The following MAGI1 variants were observed in gnomAD, a reference collection of about 807,000 sequenced individuals.
MAGI1 encodes membrane associated guanylate kinase, WW and PDZ domain containing 1, also known as membrane-associated guanylate kinase, WW and PDZ domain-containing protein 1.
MAGI1 carries 58 observed loss-of-function variants against 139.9 expected under a neutral mutation model. The observed-to-expected ratio is 0.41, with a 90% CI of 0.34 to 0.52. The LOEUF (loss-of-function observed/expected upper bound fraction) is 0.52. Ranked by LOEUF, MAGI1 falls within the 20% of genes least tolerant of loss-of-function variation. The probability of loss-of-function intolerance (pLI) is 0.12; values close to 1 mark genes in which losing one functional copy is unlikely to be tolerated. For synonymous variants in MAGI1, 812 were observed against 737.9 expected (o/e 1.10, Z -1.63); for missense variants, 1,874 against 1,901.6 (o/e 0.99, Z 0.27).
At chr3:65,818,781 T>C (rs958005743) in intron 1 of MAGI1, among the ~76,000 whole-genome samples, 3 of 152,160 alleles carry the variant, frequency 2.0e-5, no homozygotes, top group African/African-American at 4.8e-5. Context: ...TTGAGTTTTA[T>C]AGGACAATTG....
At position 65,401,440 on chromosome 3, in the gene MAGI1, G is replaced by A. The variant is rs1944886799; in HGVS notation, c.2198C>T (p.Ser733Leu). Residue 733 changes from serine (S) to leucine (L), a missense_variant and splice_region_variant, in exon 13 of 23, where the codon TCG (serine) becomes TTG (leucine). Around this residue, in one of 5 missense-constraint regions of MAGI1, gnomAD observed 482 missense variants for 509.6 expected, o/e 0.95. Coordinates refer to ENST00000402939, the MANE Select transcript of MAGI1 (RefSeq NM_001033057.2). Reference protein sequence around the residue: ...GLPVPKKSPKSQPLERKDSQN... With the variant: ...GLPVPKKSPKLQPLERKDSQN... ...ACCAAGTAACTGACAAGTCCTTACCGACTTTGGGCTCTTCTTGGGAACTGG... is the reference window on the plus strand; with the variant it reads ...ACCAAGTAACTGACAAGTCCTTACCAACTTTGGGCTCTTCTTGGGAACTGG... 3 of 1,373,232 alleles carry A rather than the reference G, an allele frequency of 2.2e-6. No homozygotes were observed. Among genetic ancestry groups the A allele is most frequent in the South Asian group, 1.1e-5 (1 of 87,046 alleles). The allele number at this position is 1,373,232 out of a possible 1,614,324, so 85.1% of individuals were successfully genotyped here.
At chr3:65,996,302 A>G (rs192422868) in intron 1 of MAGI1, among the ~76,000 whole-genome samples, 3 of 152,304 alleles carry the variant, frequency 2.0e-5, no homozygotes, top group East Asian at 3.9e-4. Context: ...TAAGCTCTCA[A>G]TAATTGCCAG....
At chr3:65,562,800 C>T (rs2080423931) in intron 2 of MAGI1, among the ~76,000 whole-genome samples, 4 of 152,206 alleles carry the variant, frequency 2.6e-5, no homozygotes. Flanking sequence ...TTAATTCTTG[C>T]ACAAAGCAAG....
chr3:65,699,387 A>C (rs1168958402), intron 1 of MAGI1, among the ~76,000 whole-genome samples: 2 of 148,734 alleles, frequency 1.3e-5, no homozygotes, highest in South Asian at 4.3e-4. Context: ...TTATATACCC[A>C]AAGGACTATA....
At chr3:65,358,453 G>A (rs879675492) in intron 22 of MAGI1, among the ~76,000 whole-genome samples, 1 of 152,156 alleles carries the variant, frequency 6.6e-6, no homozygotes, top group East Asian at 1.9e-4. Context: ...CCTAGAGTGG[G>A]TTTTTAACAA....
chr3:65,848,267 A>T (rs1440301370), intron 1 of MAGI1, among the ~76,000 whole-genome samples: 1 of 152,244 alleles, frequency 6.6e-6, no homozygotes, highest in African/African-American at 2.4e-5. Context: ...AATGAGAAAC[A>T]TATGGAAGAA....
intron 14 of MAGI1, among the ~76,000 whole-genome samples, chr3:65,388,956 GCCTCAGCCTC>G (rs1199941827): frequency 8.3e-5 from 12 of 144,602 alleles, no homozygotes; most frequent in Admixed American, 1.5e-4. Flanking sequence ...GATGCCTCCT[GCCTCAGCCTC>G]CCGAGTAGCT....
chr3:65,648,413 G>C (rs1042731143), intron 1 of MAGI1, among the ~76,000 whole-genome samples: 1 of 152,082 alleles, frequency 6.6e-6, no homozygotes. Context: ...GCCTCCCAAA[G>C]TGGTGTGAGC....
At chr3:65,490,620 C>A (rs550116796) in intron 3 of MAGI1, among the ~76,000 whole-genome samples, 2 of 151,814 alleles carry the variant, frequency 1.3e-5, no homozygotes, top group East Asian at 3.9e-4. Flanking sequence ...TCGATGCAGG[C>A]GGATCACGAA....
intron 1 of MAGI1, among the ~76,000 whole-genome samples, chr3:65,827,458 T>C (rs1290383193): frequency 3.3e-5 from 5 of 152,214 alleles, no homozygotes; most frequent in Non-Finnish European, 1.5e-5. Context: ...GGCAATATTA[T>C]CACTTGGAAC....
chr3:65,605,668 G>C (rs551763003), intron 2 of MAGI1, among the ~76,000 whole-genome samples: 4 of 152,238 alleles, frequency 2.6e-5, no homozygotes, highest in Admixed American at 1.3e-4. Flanking sequence ...GTTAATGAAG[G>C]AGAGAGAAAA....
intron 1 of MAGI1, among the ~76,000 whole-genome samples, chr3:66,020,735 A>G (rs956704039): frequency 6.6e-6 from 1 of 152,194 alleles, no homozygotes; most frequent in African/African-American, 2.4e-5. Context: ...ACAACAGTTT[A>G]ACTATACAAC....
At chr3:65,942,642 T>G (rs1393249529) in intron 1 of MAGI1, among the ~76,000 whole-genome samples, 1 of 152,236 alleles carries the variant, frequency 6.6e-6, no homozygotes, top group Non-Finnish European at 1.5e-5. Flanking sequence ...GTGCCTCACT[T>G]TCCTCATCCA....
intron 13 of MAGI1, among the ~76,000 whole-genome samples, chr3:65,395,700 T>C (rs903248364): frequency 1.4e-5 from 2 of 139,414 alleles, no homozygotes; most frequent in South Asian, 4.7e-4. Context: ...AAAAAGCTAA[T>C]GTGACACAGC....
intron 20 of MAGI1, 95 bp downstream of exon 20, chr3:65,364,570 A>G: frequency 9.5e-7 from 1 of 1,055,630 alleles, no homozygotes; most frequent in Non-Finnish European, 1.5e-6. Context: ...TTTCTTTTAA[A>G]TTAAAGGTGC....
At chr3:65,446,842 A>G (rs1365596602) in intron 7 of MAGI1, among the ~76,000 whole-genome samples, 1 of 152,226 alleles carries the variant, frequency 6.6e-6, no homozygotes, top group Non-Finnish European at 1.5e-5. Flanking sequence ...CTTTAAAAAT[A>G]GATCCATCAA....
intron 1 of MAGI1, among the ~76,000 whole-genome samples, chr3:66,008,056 C>T (rs2067125079): frequency 6.6e-6 from 1 of 151,990 alleles, no homozygotes; most frequent in Non-Finnish European, 1.5e-5. Context: ...GCCACCATGC[C>T]CAGCTAATTT....
chr3:65,528,675 C>T (rs980558636), intron 2 of MAGI1, among the ~76,000 whole-genome samples: 14 of 152,130 alleles, frequency 9.2e-5, no homozygotes, highest in African/African-American at 3.4e-4. Flanking sequence ...AAATGCTCAG[C>T]AAATGTCAAC....
chr3:65,944,001 T>C (rs1255597114), intron 1 of MAGI1, among the ~76,000 whole-genome samples: 1 of 152,208 alleles, frequency 6.6e-6, no homozygotes, highest in African/African-American at 2.4e-5. Context: ...ATTTTCATAT[T>C]TCTCAAATGA....
Sources: allele counts gnomAD v4.1 joint callset (sites outside exome capture counted in the v4.1 genomes callset), GRCh38; gene constraint gnomAD v4.1.1; regional missense constraint gnomAD v4.1.1; transcripts MANE v1.5; gene names NCBI Gene and HGNC (gene_info 2026-07-23, HGNC 2026-07-21).